Variants in FRAS1 observed in about 807,000 individuals in gnomAD.
FRAS1 encodes Fraser extracellular matrix complex subunit 1, also known as extracellular matrix organizing protein FRAS1.
A neutral mutation model predicts 435.2 loss-of-function variants in FRAS1; 290 were observed. That is an observed-to-expected ratio of 0.67 (90% CI 0.61 to 0.73). FRAS1 has a LOEUF of 0.73. Among genes scored for constraint, FRAS1 ranks in the 30% least tolerant of loss-of-function variants. The pLI, the probability that FRAS1 is intolerant of heterozygous loss-of-function variation, is 0.00. For synonymous variants in FRAS1, 1,800 were observed against 1,851.0 expected, an observed-to-expected ratio of 0.97 and a Z score of 0.71; for missense variants, 4,860 against 5,001.5, an observed-to-expected ratio of 0.97 and a Z score of 0.85.
intron 53 of FRAS1, among the ~76,000 whole-genome samples, chr4:78,474,357 C>T (rs1429319585): frequency 6.6e-6 from 1 of 152,150 alleles, no homozygotes; most frequent in Non-Finnish European, 1.5e-5. Flanking sequence ...TTTAAGTCTA[C>T]ATTTCAGAGA....
chr4:78,057,861 G>A lies in FRAS1; in HGVS notation c.-149G>A. On this transcript the variant is annotated 5_prime_UTR_variant, in exon 1 of 74. Coordinates refer to ENST00000512123, the MANE Select transcript of FRAS1 (RefSeq NM_025074.7). The surrounding 1 kb of genome is among the most constrained non-coding windows in gnomAD (Gnocchi z 4.2). ...TCCGGGCTGATGAGTGTCGCTCTCC[G>A]CCCGTCCATCTCTTTTTCCCGGAGG... 1.5e-6 allele frequency: 1 copy of A among 666,462 alleles called. No individual in the cohort carries two copies. Among genetic ancestry groups the A allele is most frequent in the East Asian group, 2.7e-5 (1 of 37,400 alleles). 41.3% of individuals were successfully genotyped at this position (666,462 alleles called of 1,614,324 possible).
At position 78,469,973 on chromosome 4, in the gene FRAS1, T is replaced by G; in HGVS notation, c.7258-5T>G. ...ATGAGTTTTCTTTTCTGCCCTCCCC[T>G]TCAGATTATGACAGCAGCACCTCAG... On this transcript the variant is annotated splice_polypyrimidine_tract_variant and splice_region_variant and intron_variant, in intron 50 of 73. Coordinates refer to ENST00000512123, the MANE Select transcript of FRAS1 (RefSeq NM_025074.7). 1 of 1,608,780 alleles carries G rather than the reference T, an allele frequency of 6.2e-7. No individual in the cohort carries two copies. Among genetic ancestry groups the G allele is most frequent in the Non-Finnish European group, 8.5e-7 (1 of 1,175,770 alleles).
chr4:78,473,801 C>A (rs1253492075), intron 53 of FRAS1, among the ~76,000 whole-genome samples: 1 of 95,198 alleles, frequency 1.1e-5, no homozygotes, highest in Non-Finnish European at 2.6e-5. Flanking sequence ...CATGCATCAT[C>A]TTATATAATA....
chr4:78,471,355 A>C (rs1393700637), intron 51 of FRAS1, among the ~76,000 whole-genome samples: 1 of 152,040 alleles, frequency 6.6e-6, no homozygotes, highest in Non-Finnish European at 1.5e-5. Context: ...TTCTAATTGA[A>C]CTGGTTGGGT....
chr4:78,251,456 G>A (rs1187582483), intron 4 of FRAS1, among the ~76,000 whole-genome samples: 1 of 152,198 alleles, frequency 6.6e-6, no homozygotes, highest in Admixed American at 6.5e-5. Context: ...TATATATTGT[G>A]TAATAATTAC....
At chr4:78,228,484 T>C (rs1373621986) in intron 2 of FRAS1, among the ~76,000 whole-genome samples, 2 of 152,228 alleles carry the variant, frequency 1.3e-5, no homozygotes, top group Non-Finnish European at 1.5e-5. Context: ...AGCCTGTATT[T>C]CTATTGCTTC....
rs376088537 is a variant in FRAS1 at position 78,478,062 on chromosome 4, G to T, written c.8098+1G>T. 1.9e-6 allele frequency: 3 copies of T among 1,556,602 alleles called. No homozygotes were observed. Among genetic ancestry groups the T allele is most frequent in the African/African-American group, 1.4e-5 (1 of 73,408 alleles). ...CTGTTTGCACCTATTGAAAGAAAAG[G>T]TCTGTTGGTTCCACAGGTGACAAAG... On this transcript the variant is annotated splice_donor_variant, in intron 55 of 73. Transcript: ENST00000512123. LOFTEE classifies it high-confidence loss of function.
intron 18 of FRAS1, among the ~76,000 whole-genome samples, chr4:78,325,034 T>C (rs1369488884): frequency 6.6e-6 from 1 of 152,210 alleles, no homozygotes; most frequent in Non-Finnish European, 1.5e-5. Context: ...CATTGTCTAA[T>C]TTATTATCTC....
chr4:78,447,622 T>G (rs1034940993), intron 43 of FRAS1, among the ~76,000 whole-genome samples: 2 of 152,168 alleles, frequency 1.3e-5, no homozygotes, highest in Non-Finnish European at 2.9e-5. Flanking sequence ...TAAAGATGCT[T>G]AGTGTCTCTC....
At chr4:78,227,764 G>A (rs546588063) in intron 2 of FRAS1, among the ~76,000 whole-genome samples, 21 of 152,330 alleles carry the variant, frequency 1.4e-4, no homozygotes, top group African/African-American at 5.1e-4. Flanking sequence ...AATCTAGAAG[G>A]CAAGATCTCA....
chr4:78,099,683 A>C (rs1233629128), intron 2 of FRAS1, among the ~76,000 whole-genome samples: 1 of 152,230 alleles, frequency 6.6e-6, no homozygotes, highest in Non-Finnish European at 1.5e-5. Context: ...GAACATAGTA[A>C]AGTGGGTATT....
intron 38 of FRAS1, among the ~76,000 whole-genome samples, chr4:78,437,814 T>G (rs1734489344): frequency 6.6e-6 from 1 of 152,208 alleles, no homozygotes; most frequent in East Asian, 1.9e-4. Flanking sequence ...AAGAAGATGT[T>G]GCCTGCCTCC....
intron 2 of FRAS1, among the ~76,000 whole-genome samples, chr4:78,114,645 A>G (rs992932020): frequency 5.9e-5 from 9 of 152,196 alleles, no homozygotes; most frequent in Admixed American, 2.0e-4. Context: ...TTATTGGTGT[A>G]TAAGAATGCT....
At chr4:78,472,120 G>A (rs993440343) in intron 51 of FRAS1, 60 bp from the exon 52 acceptor site, 53 of 1,513,166 alleles carry the variant, frequency 3.5e-5, no homozygotes, top group Middle Eastern at 1.7e-4. Flanking sequence ...CTGAGTCAGA[G>A]GGTCTTGTTC....
Position 78,469,983 on chromosome 4 carries a change from G to T in FRAS1, c.7263G>T (p.Met2421Ile). The T allele has an allele frequency of 6.2e-7, 1 of 1,612,616 alleles. No homozygotes were observed. Among genetic ancestry groups the T allele is most frequent in the Non-Finnish European group, 8.5e-7 (1 of 1,178,956 alleles). ...FIIEEGGKEI[M>I]TAAPQPFRVD... is the part of the protein sequence containing the mutation. ...TTTTCTGCCCTCCCCTTCAGATTATGACAGCAGCACCTCAGCCGTTCCGAG... is the reference window on the plus strand; with the variant it reads ...TTTTCTGCCCTCCCCTTCAGATTATTACAGCAGCACCTCAGCCGTTCCGAG... Residue 2421 changes from methionine (M) to isoleucine (I), a missense_variant, in exon 51 of 74, where the codon ATG (methionine) becomes ATT (isoleucine). Transcript: ENST00000512123.
chr4:78,292,020 T>A (rs1727921202), intron 14 of FRAS1, among the ~76,000 whole-genome samples: 1 of 152,214 alleles, frequency 6.6e-6, no homozygotes, highest in Non-Finnish European at 1.5e-5. Flanking sequence ...AAACCATTAT[T>A]ATGAAGGTTA....
At chr4:78,070,610 G>C (rs1740297340) in intron 2 of FRAS1, 1 of 152,194 alleles carries the variant, frequency 6.6e-6, no homozygotes, top group African/African-American at 2.4e-5. Flanking sequence ...CAGCGTGACT[G>C]TTAAATCAGG....
At chr4:78,516,274 C>G (rs547371261) in intron 66 of FRAS1, among the ~76,000 whole-genome samples, 1 of 152,290 alleles carries the variant, frequency 6.6e-6, no homozygotes, top group East Asian at 1.9e-4. Flanking sequence ...ATTTACTTCT[C>G]TAGGCATATA....
At chr4:78,153,234 T>A (rs1720750647) in intron 2 of FRAS1, among the ~76,000 whole-genome samples, 1 of 152,102 alleles carries the variant, frequency 6.6e-6, no homozygotes, top group Non-Finnish European at 1.5e-5. Context: ...ACTTTGTGTC[T>A]GGGAGTGTCC....
Sources: allele counts gnomAD v4.1 joint callset (sites outside exome capture counted in the v4.1 genomes callset), GRCh38; gene constraint gnomAD v4.1.1; non-coding constraint Gnocchi (gnomAD v3.1); transcripts MANE v1.5; gene names NCBI Gene and HGNC (gene_info 2026-07-23, HGNC 2026-07-21).